The following GTF3C1 variants were observed in gnomAD, a reference collection of about 807,000 sequenced individuals.
GTF3C1 encodes the protein general transcription factor IIIC subunit 1, also known as general transcription factor 3C polypeptide 1.
GTF3C1 carries 57 observed loss-of-function variants against 226.7 expected under a neutral mutation model. That is an observed-to-expected ratio of 0.25 (90% CI 0.20 to 0.31). The LOEUF (loss-of-function observed/expected upper bound fraction) is 0.31. Among genes scored for constraint, GTF3C1 ranks in the 10% least tolerant of loss-of-function variants. GTF3C1 has a pLI of 1.00. For missense variants in GTF3C1, 2,217 were observed against 2,776.1 expected, an observed-to-expected ratio of 0.80 and a Z score of 4.53; for synonymous variants, 1,090 against 1,084.8, an observed-to-expected ratio of 1.00 and a Z score of -0.09.
intron 24 of GTF3C1, among the ~76,000 whole-genome samples, chr16:27,484,920 C>T (rs746968291): frequency 3.9e-5 from 6 of 152,212 alleles, no homozygotes; most frequent in Non-Finnish European, 7.3e-5. Context: ...TTCTGGTAAG[C>T]GGCGAGAGTC....
chr16:27,464,494 C>T lies in GTF3C1; in HGVS notation c.5698G>A (p.Gly1900Arg), dbSNP rs78446307. 1,088 of 1,537,178 alleles carry T rather than the reference C, an allele frequency of 7.1e-4. 14 individuals are homozygous for T. In the East Asian group the frequency reaches 0.02, roughly 28 times the overall value. The change falls in exon 34 of 37, where the codon GGA (glycine) becomes AGA (arginine). Residue 1900 changes from glycine (G) to arginine (R), a missense_variant. Gly to Arg is a moderately radical substitution (Grantham distance 125, BLOSUM62 -2). This residue lies in a region of GTF3C1 where 455 missense variants were observed against 441.9 expected (regional missense o/e 1.03). Coordinates refer to ENST00000356183, the MANE Select transcript of GTF3C1 (RefSeq NM_001520.4). The part of the protein sequence containing the change: ...DSNLAPSLGP[G>R]AEDGAEAQAP... ...TGGGCTTCTGCCCCATCTTCAGCTC[C>T]GGGCCCAAGGCTGGGGGCCAAATTT...
intron 12 of GTF3C1, among the ~76,000 whole-genome samples, chr16:27,499,446 G>A (rs2088372122): frequency 6.6e-6 from 1 of 152,212 alleles, no homozygotes; most frequent in Non-Finnish European, 1.5e-5. Flanking sequence ...CAGGGAGCCA[G>A]GCTTCTTGCC....
At chr16:27,541,848 C>T (rs553807083) in intron 2 of GTF3C1, among the ~76,000 whole-genome samples, 12 of 152,076 alleles carry the variant, frequency 7.9e-5, no homozygotes, top group African/African-American at 2.2e-4. Flanking sequence ...GGAGCACACA[C>T]GAACACAACA....
At chr16:27,495,522 T>TG in intron 14 of GTF3C1, 30 bp from the exon 15 acceptor site, 1 of 1,593,378 alleles carries the variant, frequency 6.3e-7, no homozygotes, top group Non-Finnish European at 8.6e-7. Flanking sequence ...GGGCGGTGCT[T>TG]GAAAAATCCC....
chr16:27,482,988 G>A (rs2141366972), intron 26 of GTF3C1, 56 bp downstream of exon 26: 1 of 1,459,702 alleles, frequency 6.9e-7, no homozygotes, highest in Non-Finnish European at 9.6e-7. Flanking sequence ...GCTGACTGAA[G>A]TCTAGCTGCC....
chr16:27,461,977 G>A lies in GTF3C1; in HGVS notation c.6117+317C>T. On this transcript the variant is annotated intron_variant, in intron 36 of 36. Transcript: ENST00000356183. This position sits in a 1 kb window ranked among gnomAD's most constrained non-coding sequence, Gnocchi z 5.3. ...GGCACACATGGGAGTCAGCCAAGCA[G>A]GAAGCAGCTGCACCAGGGGGCAGCT... 1 of 395,294 alleles carries A rather than the reference G, an allele frequency of 2.5e-6. No homozygotes were observed. Among genetic ancestry groups the A allele is most frequent in the Admixed American group, 3.9e-5 (1 of 25,632 alleles). The allele number at this position is 395,294 out of a possible 1,614,324, so 24.5% of individuals were successfully genotyped here. A position where few individuals can be genotyped will look rare whatever the true frequency, so the allele number is the denominator to read the frequency against.
At position 27,501,202 on chromosome 16, in the gene GTF3C1, T is replaced by C; in HGVS notation, c.2050A>G (p.Ile684Val). ...GAGGCCCTGGTTACCTTCTTCTTGA[T>C]GCCATCTTGAATGACAGTGGTCCGA... ...LYRTTVIQDG[I>V]KKKVDLVVHP... The change falls in exon 12 of 37, where the codon ATC becomes GTC. Residue 684 changes from isoleucine to valine, a missense_variant. By Grantham distance (29) the Ile-to-Val change is conservative. This residue lies in a region of GTF3C1 where 52 missense variants were observed against 110.8 expected (regional missense o/e 0.47). Coordinates refer to ENST00000356183, the MANE Select transcript of GTF3C1 (RefSeq NM_001520.4). 1 of 1,612,206 alleles carries C rather than the reference T, an allele frequency of 6.2e-7. No homozygotes were observed. Among genetic ancestry groups the C allele is most frequent in the Non-Finnish European group, 8.5e-7 (1 of 1,178,336 alleles).
At position 27,488,390 on chromosome 16, in the gene GTF3C1, C is replaced by G; in HGVS notation, c.3537G>C (p.Gly1179=). 6.2e-7 allele frequency: 1 copy of G among 1,613,034 alleles called. No individual in the cohort carries two copies. The highest frequency in any genetic ancestry group is 8.5e-7 in the Non-Finnish European group (1 of 1,179,008). Residue 1179 remains glycine (G), a synonymous_variant, in exon 23 of 37, where the codon GGG becomes GGC. Coordinates refer to ENST00000356183, the MANE Select transcript of GTF3C1 (RefSeq NM_001520.4). ...ARGNSRLNIW[G]EARVGSELCA... Reference sequence around the variant, plus strand: ...AGAGCTCGGAGCCTACTCTTGCTTCCCCCCAAATATTCAACCTGCTGTTGC... The same window carrying G: ...AGAGCTCGGAGCCTACTCTTGCTTCGCCCCAAATATTCAACCTGCTGTTGC...
chr16:27,462,647 T>C lies in GTF3C1; in HGVS notation c.5925-161A>G, dbSNP rs2087723418. 3 of 608,416 alleles carry C rather than the reference T, an allele frequency of 4.9e-6. No individual in the cohort carries two copies. The highest frequency in any genetic ancestry group is 8.7e-4 in the Middle Eastern group (2 of 2,300). 37.7% of individuals were successfully genotyped at this position (608,416 alleles called of 1,614,324 possible). On this transcript the variant is annotated intron_variant, in intron 35 of 36. Coordinates refer to ENST00000356183, the MANE Select transcript of GTF3C1 (RefSeq NM_001520.4). This position sits in a 1 kb window ranked among gnomAD's most constrained non-coding sequence, Gnocchi z 4.5. ...CTTTCCAAACTCCCTGCTTCTCTCC[T>C]GTCTGGACAGAGGGGCCCTTGACCG...
rs1456480168 is a variant in GTF3C1 at position 27,461,335 on chromosome 16, A to C, written c.*15T>G. ...GCAGGCGGTGGCTGGGAGGGAGGGGACGCCCACAGGGGTCCTAGAGGTGGA... is the reference window on the plus strand; with the variant it reads ...GCAGGCGGTGGCTGGGAGGGAGGGGCCGCCCACAGGGGTCCTAGAGGTGGA... On this transcript the variant is annotated 3_prime_UTR_variant, in exon 37 of 37. Coordinates refer to ENST00000356183, the MANE Select transcript of GTF3C1 (RefSeq NM_001520.4). This position sits in a 1 kb window ranked among gnomAD's most constrained non-coding sequence, Gnocchi z 5.3. 2 of 1,545,580 alleles carry C rather than the reference A, an allele frequency of 1.3e-6. No individual in the cohort carries two copies. Among genetic ancestry groups the C allele is most frequent in the South Asian group, 2.3e-5 (2 of 87,906 alleles).
chr16:27,531,544 G>C (rs2088917616), intron 5 of GTF3C1, among the ~76,000 whole-genome samples: 1 of 152,218 alleles, frequency 6.6e-6, no homozygotes, highest in African/African-American at 2.4e-5. Context: ...ACAGCTCCAC[G>C]ACAGTGTGAG....
intron 33 of GTF3C1, 82 bp from the exon 34 acceptor site, chr16:27,464,918 C>T: frequency 8.3e-7 from 1 of 1,208,844 alleles, no homozygotes; most frequent in Non-Finnish European, 1.1e-6. Flanking sequence ...GGAGTGGCCT[C>T]CCCTGACTGG....
At chr16:27,478,316 T>C (rs540889907) in intron 28 of GTF3C1, among the ~76,000 whole-genome samples, 153 bp downstream of exon 28, 1 of 152,132 alleles carries the variant, frequency 6.6e-6, no homozygotes, top group Admixed American at 6.5e-5. Context: ...ATAGACAACA[T>C]ACAGAATGGG....
chr16:27,501,288 C>T lies in GTF3C1; in HGVS notation c.1964G>A (p.Cys655Tyr). ...EKQEGVSTKC[C>Y]KKSIVRLVRN... ...CACCAAGCGGACAATGGACTTCTTG[C>T]AGCACTTGGTGGACACGCCTTCCTG... Residue 655 changes from cysteine (C) to tyrosine (Y), a missense_variant, in exon 12 of 37, where the codon TGC (cysteine) becomes TAC (tyrosine). Coordinates refer to ENST00000356183, the MANE Select transcript of GTF3C1 (RefSeq NM_001520.4). 6.2e-7 allele frequency: 1 copy of T among 1,614,012 alleles called. No homozygotes were observed. The highest frequency in any genetic ancestry group is 8.5e-7 in the Non-Finnish European group (1 of 1,179,864).
chr16:27,549,085 C>T (rs1221291086), intron 1 of GTF3C1, among the ~76,000 whole-genome samples: 2 of 151,952 alleles, frequency 1.3e-5, no homozygotes, highest in Non-Finnish European at 2.9e-5. Context: ...ACCTGGGAGG[C>T]GGACGGAGGT....
rs781757656 is a variant in GTF3C1, at chr16:27,461,327, G to A, written c.*23C>T. ...GTGGTGTGGCAGGCGGTGGCTGGGAGGGAGGGGACGCCCACAGGGGTCCTA... is the reference window on the plus strand; with the variant it reads ...GTGGTGTGGCAGGCGGTGGCTGGGAAGGAGGGGACGCCCACAGGGGTCCTA... On this transcript the variant is annotated 3_prime_UTR_variant, in exon 37 of 37. Coordinates refer to ENST00000356183, the MANE Select transcript of GTF3C1 (RefSeq NM_001520.4). This position sits in a 1 kb window ranked among gnomAD's most constrained non-coding sequence, Gnocchi z 5.3. The A allele has an allele frequency of 4.7e-6, 7 of 1,495,686 alleles. No homozygotes were observed. The highest frequency in any genetic ancestry group is 6.5e-6 in the Non-Finnish European group (7 of 1,080,642). The allele number at this position is 1,495,686 out of a possible 1,614,324, so 92.7% of individuals were successfully genotyped here. A position where few individuals can be genotyped will look rare whatever the true frequency, so the allele number is the denominator to read the frequency against.
At position 27,506,876 on chromosome 16, in the gene GTF3C1, G is replaced by T. The variant is rs566360241; in HGVS notation, c.1523C>A (p.Thr508Asn). ...TRASANLRPKTQPHHSTPTKG... is the reference protein window; with the variant it reads ...TRASANLRPKNQPHHSTPTKG... ...GGTTGGGGTGGAGTGATGAGGCTGG[G>T]TCTTGGGCCGGAGGTTTGCAGAGGC... Residue 508 changes from threonine to asparagine, a missense_variant, in exon 9 of 37, where the codon ACC becomes AAC. This residue lies in a region of GTF3C1 where 173 missense variants were observed against 207.2 expected (regional missense o/e 0.83). Transcript: ENST00000356183. 1 of 1,612,526 alleles carries T rather than the reference G, an allele frequency of 6.2e-7. No homozygotes were observed. The highest frequency in any genetic ancestry group is 2.2e-5 in the East Asian group (1 of 44,874).
chr16:27,465,174 A>C (rs1444278646), intron 33 of GTF3C1, 86 bp downstream of exon 33: 4 of 1,271,024 alleles, frequency 3.1e-6, no homozygotes, highest in Non-Finnish European at 4.5e-6. Flanking sequence ...CTATGCCCCA[A>C]ATCAAGCCCA....
intron 32 of GTF3C1, 33 bp from the exon 33 acceptor site, chr16:27,465,573 C>T: frequency 6.5e-7 from 1 of 1,547,004 alleles, no homozygotes; most frequent in Non-Finnish European, 8.7e-7. Flanking sequence ...CAGAGGCAGC[C>T]CGACAGAGGC....
Sources: allele counts gnomAD v4.1 joint callset (sites outside exome capture counted in the v4.1 genomes callset), GRCh38; gene constraint gnomAD v4.1.1; regional missense constraint gnomAD v4.1.1; non-coding constraint Gnocchi (gnomAD v3.1); transcripts MANE v1.5; gene names NCBI Gene and HGNC (gene_info 2026-07-23, HGNC 2026-07-21).